LNX1: variants seen among roughly 807,000 people sequenced by gnomAD.
LNX1 encodes E3 ubiquitin-protein ligase LNX.
In LNX1, 54 loss-of-function variants were observed where a neutral mutation model predicts 68.4. The ratio of observed to expected loss-of-function variants is 0.79; its 90% CI spans 0.63 to 0.99. The LOEUF (loss-of-function observed/expected upper bound fraction) is 0.99, where lower values mean the gene tolerates loss of function less well. LNX1 is among the 50% of genes least tolerant of loss of function. The pLI, the probability that LNX1 is intolerant of heterozygous loss-of-function variation, is 0.00. For missense variants in LNX1, 906 were observed against 926.4 expected, an observed-to-expected ratio of 0.98 and a Z score of 0.29; for synonymous variants, 336 against 350.0, an observed-to-expected ratio of 0.96 and a Z score of 0.45.
chr4:53,650,275 G>A (rs996126166), intron 1 of LNX1, among the ~76,000 whole-genome samples: 1 of 152,188 alleles, frequency 6.6e-6, no homozygotes, highest in Non-Finnish European at 1.5e-5. Flanking sequence ...ACCTGTGCGG[G>A]GTGTGGAGGA....
intron 9 of LNX1, among the ~76,000 whole-genome samples, chr4:53,465,392 C>G (rs1452925241): frequency 6.6e-6 from 1 of 152,204 alleles, no homozygotes; most frequent in Non-Finnish European, 1.5e-5. Context: ...ATCTAATGCA[C>G]TAGCCTTTAT....
At chr4:53,565,363 G>C (rs1730592191) in intron 2 of LNX1, among the ~76,000 whole-genome samples, 1 of 151,968 alleles carries the variant, frequency 6.6e-6, no homozygotes, top group Non-Finnish European at 1.5e-5. Context: ...CAGCCTAACT[G>C]GGAGGCACCC....
At chr4:53,478,949 C>T (rs968407461) in intron 7 of LNX1, among the ~76,000 whole-genome samples, 15 of 152,156 alleles carry the variant, frequency 9.9e-5, no homozygotes, top group Admixed American at 5.9e-4. Context: ...CACTCCCAAC[C>T]ATAATAGGGT....
At chr4:53,645,739 A>T (rs912131866) in intron 1 of LNX1, among the ~76,000 whole-genome samples, 1 of 152,180 alleles carries the variant, frequency 6.6e-6, no homozygotes, top group African/African-American at 2.4e-5. Flanking sequence ...CCCTGAGTTT[A>T]GTTTAGGTGA....
intron 1 of LNX1, among the ~76,000 whole-genome samples, chr4:53,579,559 C>A (rs1207293099): frequency 7.9e-5 from 12 of 152,152 alleles, no homozygotes; most frequent in Non-Finnish European, 2.9e-5. Context: ...AATAAAGACA[C>A]ATACCAGAGC....
chr4:53,577,777 T>TA (rs1182333056), intron 1 of LNX1, among the ~76,000 whole-genome samples: 3 of 151,982 alleles, frequency 2.0e-5, no homozygotes, highest in South Asian at 2.1e-4. Flanking sequence ...TCCTAGCTTT[T>TA]AAAAAAAACT....
intron 2 of LNX1, among the ~76,000 whole-genome samples, chr4:53,508,774 A>G (rs56331163): frequency 0.11 from 16,276 of 152,162 alleles, 1,351 homozygotes; most frequent in South Asian, 0.3. Flanking sequence ...GGTGGCTTCC[A>G]TTCTCTTTCT....
chr4:53,546,786 G>A (rs1729145748), intron 2 of LNX1, among the ~76,000 whole-genome samples: 1 of 152,194 alleles, frequency 6.6e-6, no homozygotes, highest in Non-Finnish European at 1.5e-5. Context: ...TGTGAGGGCA[G>A]CAAGGAGCTA....
chr4:53,580,777 C>T (rs1161621550), intron 1 of LNX1, among the ~76,000 whole-genome samples: 1 of 152,114 alleles, frequency 6.6e-6, no homozygotes. Flanking sequence ...AATGTATATC[C>T]AATCCTTAGA....
chr4:53,479,761 G>A (rs1723799282), intron 7 of LNX1, among the ~76,000 whole-genome samples: 1 of 152,178 alleles, frequency 6.6e-6, no homozygotes, highest in South Asian at 2.1e-4. Context: ...ATGGGTACCT[G>A]AATATTTCTC....
chr4:53,459,585 AAAAT>A lies in LNX1; in HGVS notation c.*1318_*1321del. On this transcript the variant is annotated 3_prime_UTR_variant, in exon 11 of 11. Coordinates refer to ENST00000263925, the MANE Select transcript of LNX1 (RefSeq NM_001126328.3). ...AGTATGAAAAGTTAACTTTTTTTCC[AAAAT>A]AAAAGAGTGAATTTTTCATGTTAAG... 5 of 1,257,746 alleles carry A rather than the reference AAAAT, an allele frequency of 4.0e-6. No homozygotes were observed. The highest frequency in any genetic ancestry group is 5.6e-6 in the Non-Finnish European group (5 of 888,508). The allele number at this position is 1,257,746 out of a possible 1,614,324, so 77.9% of individuals were successfully genotyped here. A position where few individuals can be genotyped will look rare whatever the true frequency, so the allele number is the denominator to read the frequency against.
At chr4:53,564,754 T>C (rs925940495) in intron 2 of LNX1, among the ~76,000 whole-genome samples, 7 of 151,630 alleles carry the variant, frequency 4.6e-5, no homozygotes, top group Admixed American at 1.3e-4. Flanking sequence ...CACTAGGGAG[T>C]GCCAGACAGT....
chr4:53,460,412 T>C lies in LNX1; in HGVS notation c.*495A>G, dbSNP rs1490987102. On this transcript the variant is annotated 3_prime_UTR_variant, in exon 11 of 11. Transcript: ENST00000263925. ...ACTAGGATCTTTTAAATAGTGATAA[T>C]ACAAAAGTAATCTTAATTAGTATCA... is the stretch of plus-strand genomic sequence containing the variant. 5.3e-6 allele frequency: 1 copy of C among 189,542 alleles called. No homozygotes were observed. The highest frequency in any genetic ancestry group is 1.1e-5 in the Non-Finnish European group (1 of 90,644). 11.7% of individuals were successfully genotyped at this position (189,542 alleles called of 1,614,324 possible).
chr4:53,526,719 C>G (rs1307918017), intron 2 of LNX1, among the ~76,000 whole-genome samples: 2 of 151,780 alleles, frequency 1.3e-5, no homozygotes, highest in Non-Finnish European at 2.9e-5. Flanking sequence ...CTTTTAAGAG[C>G]CTTTCCTTCA....
At chr4:53,592,016 C>T (rs1732531596), upstream of LNX1, among the ~76,000 whole-genome samples, 1 of 152,200 alleles carries the variant, frequency 6.6e-6, no homozygotes, top group Admixed American at 6.5e-5. Flanking sequence ...TCCAATTCAT[C>T]TTTTAAACAA....
At chr4:53,498,591 AT>A (rs768209163) in intron 5 of LNX1, 49 bp downstream of exon 5, 18 of 1,423,440 alleles carry the variant, frequency 1.3e-5, no homozygotes, top group East Asian at 2.3e-5. Context: ...GCTCAGAAGC[AT>A]TTTTTTATAT....
intron 8 of LNX1, 56 bp downstream of exon 8, chr4:53,478,509 T>C (rs1723711674): frequency 1.4e-6 from 2 of 1,464,576 alleles, no homozygotes; most frequent in Non-Finnish European, 1.9e-6. Context: ...AACAAGCTAC[T>C]AATTTCTCTT....
chr4:53,540,613 G>A (rs1728689252), intron 2 of LNX1, among the ~76,000 whole-genome samples: 1 of 149,228 alleles, frequency 6.7e-6, no homozygotes, highest in African/African-American at 2.5e-5. Context: ...ACCCAGGAGG[G>A]GGAGGTTGCA....
intron 2 of LNX1, among the ~76,000 whole-genome samples, chr4:53,596,685 C>A (rs1364524671): frequency 1.3e-5 from 2 of 152,116 alleles, no homozygotes. Flanking sequence ...CCCAGTTCCA[C>A]ATACCAGATT....
Sources: allele counts gnomAD v4.1 joint callset (sites outside exome capture counted in the v4.1 genomes callset), GRCh38; gene constraint gnomAD v4.1.1; transcripts MANE v1.5; gene names NCBI Gene and HGNC (gene_info 2026-07-23, HGNC 2026-07-21).